The following TCF4 variants were observed in gnomAD, a reference collection of about 807,000 sequenced individuals.
The protein encoded by TCF4 is transcription factor 4, also known as SL3-3 enhancer factor 2.
In TCF4, 3 loss-of-function variants were observed where a neutral mutation model predicts 82.1. That is an observed-to-expected ratio of 0.04 (90% CI 0.02 to 0.09). The LOEUF (loss-of-function observed/expected upper bound fraction) is 0.09, where lower values mean the gene tolerates loss of function less well. Among genes scored for constraint, TCF4 ranks in the 10% least tolerant of loss-of-function variants. TCF4 has a pLI of 1.00. For synonymous variants in TCF4, 276 were observed against 309.6 expected (o/e 0.89, Z 1.14); for missense variants, 518 against 852.7 (o/e 0.61, Z 4.89).
At chr18:55,580,218 CA>C (rs751415838) in intron 3 of TCF4, among the ~76,000 whole-genome samples, 2 of 151,978 alleles carry the variant, frequency 1.3e-5, no homozygotes, top group Non-Finnish European at 2.9e-5. Flanking sequence ...TGTCTGGTAA[CA>C]GACATATCAA....
intron 3 of TCF4, among the ~76,000 whole-genome samples, chr18:55,486,047 A>T (rs1184314700): frequency 6.6e-6 from 1 of 152,236 alleles, no homozygotes; most frequent in Non-Finnish European, 1.5e-5. Context: ...ATTTCAATAG[A>T]AGGAAAAATA....
intron 5 of TCF4, among the ~76,000 whole-genome samples, chr18:55,436,888 T>A (rs879863177): frequency 6.6e-6 from 1 of 152,236 alleles, no homozygotes; most frequent in Non-Finnish European, 1.5e-5. Flanking sequence ...AGTTTGTATT[T>A]CTTTTACAGA....
At chr18:55,577,964 G>A (rs936537217) in intron 3 of TCF4, among the ~76,000 whole-genome samples, 8 of 152,086 alleles carry the variant, frequency 5.3e-5, no homozygotes, top group African/African-American at 1.9e-4. Context: ...GGCACCAGCA[G>A]GTGCTGCTGT....
chr18:55,304,142 G>C (rs1320657347), intron 8 of TCF4, among the ~76,000 whole-genome samples: 2 of 152,166 alleles, frequency 1.3e-5, no homozygotes, highest in Non-Finnish European at 2.9e-5. Flanking sequence ...TAAAGCTAGA[G>C]GGTCAGTGTG....
rs1171394102 is a variant in TCF4, at chr18:55,365,137, T to C, written c.370-14134A>G. On this transcript the variant is annotated intron_variant, in intron 6 of 19. Coordinates refer to ENST00000354452, the MANE Select transcript of TCF4 (RefSeq NM_001083962.2). ...CACTGCACTTCAGCCTAGGCAACAG[T>C]GTGAGACTCCATCTCCAAAATATAT... Among the ~76,000 whole-genome samples, 5 of 135,300 alleles carry C rather than the reference T, an allele frequency of 3.7e-5. No homozygotes were observed. In the East Asian group the frequency reaches 8.6e-4, roughly 23 times the overall value. The allele number at this position is 135,300 out of a possible 152,430, so 88.8% of individuals were successfully genotyped here. A position where few individuals can be genotyped will look rare whatever the true frequency, so the allele number is the denominator to read the frequency against.
chr18:55,564,489 T>G (rs1163135411), intron 3 of TCF4, among the ~76,000 whole-genome samples: 1 of 152,194 alleles, frequency 6.6e-6, no homozygotes, highest in Non-Finnish European at 1.5e-5. Context: ...TGAACTCAAC[T>G]GGTGAAAGCA....
intron 16 of TCF4, among the ~76,000 whole-genome samples, chr18:55,233,354 C>CAA (rs1158609777): frequency 1.3e-5 from 2 of 152,194 alleles, no homozygotes; most frequent in Non-Finnish European, 2.9e-5. Context: ...CCTTGCCACT[C>CAA]AAACTTTGGT....
chr18:55,269,821 T>G lies in TCF4; in HGVS notation c.922+10A>C, dbSNP rs1226563110. 2.5e-6 allele frequency: 4 copies of G among 1,612,982 alleles called. No individual in the cohort carries two copies. The highest frequency in any genetic ancestry group is 2.5e-6 in the Non-Finnish European group (3 of 1,179,256). ...TTGTTGGTATCAGAATTGGCATTTC[T>G]GTGACTCACCCATTATACTGTCTGT... On this transcript the variant is annotated intron_variant, in intron 11 of 19. Coordinates refer to ENST00000354452, the MANE Select transcript of TCF4 (RefSeq NM_001083962.2).
intron 8 of TCF4, among the ~76,000 whole-genome samples, chr18:55,345,295 CA>C (rs11332509): frequency 0.35 from 48,660 of 138,936 alleles, 7,925 homozygotes; most frequent in East Asian, 0.56. Flanking sequence ...TTGGTTTTCA[CA>C]AAAAAAAAAA....
At chr18:55,464,552 C>A (rs1826750952) in intron 3 of TCF4, among the ~76,000 whole-genome samples, 1 of 152,196 alleles carries the variant, frequency 6.6e-6, no homozygotes, top group Non-Finnish European at 1.5e-5. Context: ...CCATAATGCT[C>A]TTGGATCCTT....
At chr18:55,408,545 C>T (rs879276068) in intron 5 of TCF4, among the ~76,000 whole-genome samples, 2 of 152,202 alleles carry the variant, frequency 1.3e-5, no homozygotes, top group Non-Finnish European at 2.9e-5. Flanking sequence ...CGTTTCCATG[C>T]CTGCCTTTTC....
At chr18:55,279,813 T>A in intron 8 of TCF4, 157 bp from the exon 9 acceptor site, 2 of 1,195,886 alleles carry the variant, frequency 1.7e-6, no homozygotes, top group South Asian at 3.2e-5. Context: ...CCGAACACAC[T>A]AAAACAAACA....
intron 3 of TCF4, among the ~76,000 whole-genome samples, chr18:55,564,405 A>G (rs1462050788): frequency 1.3e-5 from 2 of 152,252 alleles, no homozygotes; most frequent in Non-Finnish European, 2.9e-5. Flanking sequence ...TATGGATTCA[A>G]CAGGGAAGAA....
At chr18:55,382,457 G>A (rs2092063585) in intron 6 of TCF4, among the ~76,000 whole-genome samples, 1 of 151,920 alleles carries the variant, frequency 6.6e-6, no homozygotes, top group African/African-American at 2.4e-5. Context: ...AATTGAATTG[G>A]CATACCATAA....
intron 8 of TCF4, among the ~76,000 whole-genome samples, chr18:55,327,533 G>C (rs2076772429): frequency 6.6e-6 from 1 of 152,004 alleles, no homozygotes; most frequent in Non-Finnish European, 1.5e-5. Flanking sequence ...ATGTTATCTT[G>C]AATTGGTTAT....
In TCF4 at chr18:55,579,080, A is replaced by AAT. The variant is rs778393636; in HGVS notation, c.145+6198_145+6199dup. Among the ~76,000 whole-genome samples, 1,044 of 148,784 alleles carry AAT rather than the reference A, an allele frequency of 7.0e-3. 4 individuals are homozygous for AAT. Among genetic ancestry groups the AAT allele is most frequent in the Middle Eastern group, 0.022 (6 of 278 alleles). On this transcript the variant is annotated intron_variant, in intron 3 of 19. Coordinates refer to ENST00000354452, the MANE Select transcript of TCF4 (RefSeq NM_001083962.2). ...TCACTATTCCTGCAAGTCTAATATA[A>AAT]ATATATATATATATATTTACCTATA...
chr18:55,492,200 C>T (rs2096584093), intron 3 of TCF4: 1 of 152,144 alleles, frequency 6.6e-6, no homozygotes. Context: ...CAATAATCAT[C>T]ACAGGAATAG....
At chr18:55,453,045 A>G (rs1295669618) in intron 5 of TCF4, among the ~76,000 whole-genome samples, 1 of 152,180 alleles carries the variant, frequency 6.6e-6, no homozygotes, top group African/African-American at 2.4e-5. Flanking sequence ...GAACACTGCA[A>G]GTTAGTAAGC....
At chr18:55,392,753 AGTGT>A (rs141446183) in intron 6 of TCF4, among the ~76,000 whole-genome samples, 1 of 151,850 alleles carries the variant, frequency 6.6e-6, no homozygotes, top group African/African-American at 2.4e-5. Context: ...GTCTTATAAC[AGTGT>A]GTGTGTGTGT....
Sources: allele counts gnomAD v4.1 joint callset (sites outside exome capture counted in the v4.1 genomes callset), GRCh38; gene constraint gnomAD v4.1.1; transcripts MANE v1.5; gene names NCBI Gene and HGNC (gene_info 2026-07-23, HGNC 2026-07-21).